Variants in D2HGDH observed in about 807,000 individuals in gnomAD.
D2HGDH encodes D-2-hydroxyglutarate dehydrogenase, mitochondrial.
A neutral mutation model predicts 46.9 loss-of-function variants in D2HGDH; 31 were observed. The observed-to-expected ratio is 0.66, with a 90% confidence interval of 0.50 to 0.89. The LOEUF (loss-of-function observed/expected upper bound fraction) is 0.89. Ranked by LOEUF, D2HGDH falls within the 40% of genes least tolerant of loss-of-function variation. The pLI, the probability that D2HGDH is intolerant of heterozygous loss-of-function variation, is 0.00. For synonymous variants in D2HGDH, 364 were observed against 332.6 expected (o/e 1.09, Z -1.03); for missense variants, 698 against 720.8 (o/e 0.97, Z 0.36).
rs535910973 is a variant in D2HGDH at position 241,743,068 on chromosome 2, C to T, written c.490+494C>T. Among the ~76,000 whole-genome samples, 11 of 132,732 alleles carry T rather than the reference C, an allele frequency of 8.3e-5. No homozygotes were observed. In the East Asian group the frequency reaches 2.3e-3, roughly 27 times the overall value. 87.1% of individuals were successfully genotyped at this position (132,732 alleles called of 152,430 possible). ...GGGATCCTGACCCAGGGCGCCAGGGCGTGGCAGGCGTGAGGGGATCCTGAC... is the reference window on the plus strand; with the variant it reads ...GGGATCCTGACCCAGGGCGCCAGGGTGTGGCAGGCGTGAGGGGATCCTGAC... On this transcript the variant is annotated intron_variant, in intron 4 of 9. Transcript: ENST00000321264. This position sits in a 1 kb window ranked among gnomAD's most constrained non-coding sequence, Gnocchi z 4.8.
In D2HGDH at chr2:241,755,879, GA is replaced by G; in HGVS notation, c.1172del (p.Glu391GlyfsTer3). The part of the protein sequence containing the change: ...MLWALRERIT[E>X]ALSRDGYVYK... The stretch of plus-strand genomic sequence containing the variant: ...GTGGGCCCTGAGGGAAAGGATCACA[GA>G]GGCGCTGAGCCGGGATGGCTACGTG... On this transcript the variant is annotated frameshift_variant, in exon 9 of 10. Coordinates refer to ENST00000321264, the MANE Select transcript of D2HGDH (RefSeq NM_152783.5). LOFTEE classifies it high-confidence loss of function. 1 of 1,613,180 alleles carries G rather than the reference GA, an allele frequency of 6.2e-7. No individual in the cohort carries two copies. Among genetic ancestry groups the G allele is most frequent in the Non-Finnish European group, 8.5e-7 (1 of 1,179,604 alleles).
intron 2 of D2HGDH, among the ~76,000 whole-genome samples, chr2:241,740,797 T>A (rs1694241253): frequency 6.6e-6 from 1 of 152,052 alleles, no homozygotes; most frequent in Admixed American, 6.5e-5. Flanking sequence ...ATACAAAAAT[T>A]AGCCAGGTGT....
chr2:241,756,269 CAG>C (rs1356325142), intron 9 of D2HGDH, among the ~76,000 whole-genome samples: 1 of 152,254 alleles, frequency 6.6e-6, no homozygotes, highest in African/African-American at 2.4e-5. Flanking sequence ...CTCAGCTTGT[CAG>C]AACGTTCTGG....
chr2:241,754,927 AAATG>A, intron 8 of D2HGDH: 1 of 1,046,464 alleles, frequency 9.6e-7, no homozygotes, highest in Non-Finnish European at 1.2e-6. Context: ...GAATTTCCTG[AAATG>A]ATAGGGTCTC....
rs565397135 is a variant in D2HGDH, at chr2:241,767,833, G to C, written c.1430G>C (p.Gly477Ala). 5.0e-6 allele frequency: 8 copies of C among 1,612,472 alleles called. No individual in the cohort carries two copies. The African/African-American group carries it at 1.1e-4, about 21-fold the overall frequency. The change falls in exon 10 of 10, where the codon GGA (glycine) becomes GCA (alanine). Residue 477 changes from glycine to alanine, a missense_variant. Gly to Ala is a moderately conservative substitution (Grantham distance 60). Transcript: ENST00000321264. Reference sequence around the variant, plus strand: ...CAGGGCAGCGTCAGCGCGGAGCACGGAGTGGGCTTCAGGAAGAGGGACGTC... The same window carrying C: ...CAGGGCAGCGTCAGCGCGGAGCACGCAGTGGGCTTCAGGAAGAGGGACGTC... ...GQQGSVSAEH[G>A]VGFRKRDVLG... is the part of the protein sequence containing the mutation.
intron 2 of D2HGDH, among the ~76,000 whole-genome samples, chr2:241,737,994 G>C (rs1021734503): frequency 6.6e-6 from 1 of 152,188 alleles, no homozygotes; most frequent in Non-Finnish European, 1.5e-5. Context: ...TAATCTGGGA[G>C]TGCAGCGTAT....
In D2HGDH at chr2:241,734,689, A is replaced by AGCTCGGGACGTGG. The variant is rs1692202659; in HGVS notation, c.-99_-98insGCTCGGGACGTGG. ...GCTGCGGGTTGGAGCTCGGGACGTG[A>AGCTCGGGACGTGG]TCGTGGGTGCGTGCGCGCGGCCGCG... is the stretch of plus-strand genomic sequence containing the variant. On this transcript the variant is annotated 5_prime_UTR_variant, in exon 1 of 10. Transcript: ENST00000321264. The AGCTCGGGACGTGG allele has an allele frequency of 2.0e-5, 3 of 151,354 alleles. No individual in the cohort carries two copies. Among genetic ancestry groups the AGCTCGGGACGTGG allele is most frequent in the African/African-American group, 7.3e-5 (3 of 41,294 alleles). 9.4% of individuals were successfully genotyped at this position (151,354 alleles called of 1,614,324 possible).
chr2:241,762,347 G>A (rs1021080525), intron 9 of D2HGDH, among the ~76,000 whole-genome samples: 2 of 152,220 alleles, frequency 1.3e-5, no homozygotes, highest in African/African-American at 4.8e-5. Flanking sequence ...TGAGATTGCA[G>A]GTGTGAGCCA....
At chr2:241,756,128 C>A in intron 9 of D2HGDH, 114 bp downstream of exon 9, 1 of 1,406,520 alleles carries the variant, frequency 7.1e-7, no homozygotes, top group Non-Finnish European at 9.4e-7. Flanking sequence ...TCTGGCTTAG[C>A]ATATCTCCCG....
rs1408652382 is a variant in D2HGDH, at chr2:241,743,943, G to A, written c.684+128G>A. The stretch of plus-strand genomic sequence containing the variant: ...GGGAGGTCTTGGTTCCTGGCCCTGG[G>A]CCCCTCAAGGATGTGTGGGCTACAT... On this transcript the variant is annotated intron_variant, in intron 5 of 9. Coordinates refer to ENST00000321264, the MANE Select transcript of D2HGDH (RefSeq NM_152783.5). The surrounding 1 kb of genome is among the most constrained non-coding windows in gnomAD (Gnocchi z 4.8). 2.8e-6 allele frequency: 3 copies of A among 1,064,592 alleles called. No homozygotes were observed. Among genetic ancestry groups the A allele is most frequent in the South Asian group, 3.0e-5 (2 of 65,910 alleles). The allele number at this position is 1,064,592 out of a possible 1,614,324, so 65.9% of individuals were successfully genotyped here.
chr2:241,758,919 G>A (rs79444355), intron 9 of D2HGDH, among the ~76,000 whole-genome samples: 13 of 152,198 alleles, frequency 8.5e-5, no homozygotes, highest in East Asian at 7.7e-4. Context: ...GATTACAGGC[G>A]TGAGGTACTG....
At chr2:241,764,786 G>T (rs190662528) in intron 9 of D2HGDH, among the ~76,000 whole-genome samples, 9 of 152,350 alleles carry the variant, frequency 5.9e-5, no homozygotes, top group Admixed American at 2.6e-4. Context: ...TGCGTTAAAA[G>T]CCGCTGTCCT....
At chr2:241,745,040 A>AG (rs1490055386) in intron 6 of D2HGDH, among the ~76,000 whole-genome samples, 163 bp downstream of exon 6, 2 of 152,068 alleles carry the variant, frequency 1.3e-5, no homozygotes, top group African/African-American at 2.4e-5. Flanking sequence ...TCAGGAATCC[A>AG]GGACCTGGCC....
In D2HGDH at chr2:241,767,762, C is replaced by G. The variant is rs1171553975; in HGVS notation, c.1359C>G (p.Leu453=). ...NVTAEAFSPS[L]LAALEPHVYE... is the part of the protein sequence containing the mutation. Reference sequence around the variant, plus strand: ...CGGCGGAGGCCTTCAGCCCCTCGCTCCTGGCTGCCCTGGAGCCCCACGTGT... The same window carrying G: ...CGGCGGAGGCCTTCAGCCCCTCGCTGCTGGCTGCCCTGGAGCCCCACGTGT... The change falls in exon 10 of 10, where the codon CTC becomes CTG. Residue 453 remains leucine (L), a synonymous_variant. Coordinates refer to ENST00000321264, the MANE Select transcript of D2HGDH (RefSeq NM_152783.5). The G allele has an allele frequency of 1.2e-6, 2 of 1,612,494 alleles. No individual in the cohort carries two copies. The highest frequency in any genetic ancestry group is 2.7e-5 in the African/African-American group (2 of 74,852).
At chr2:241,762,980 T>G (rs764311550) in intron 9 of D2HGDH, among the ~76,000 whole-genome samples, 11 of 152,180 alleles carry the variant, frequency 7.2e-5, no homozygotes, top group Non-Finnish European at 1.5e-4. Context: ...TTCGTTAGAT[T>G]TTTATCTGTA....
rs752676608 is a variant in D2HGDH at position 241,751,329 on chromosome 2, G to A, written c.1081G>A (p.Ala361Thr). Residue 361 changes from alanine to threonine, a missense_variant, in exon 8 of 10, where the codon GCG becomes ACG. By Grantham distance (58) the Ala-to-Thr change is moderately conservative. Coordinates refer to ENST00000321264, the MANE Select transcript of D2HGDH (RefSeq NM_152783.5). ...AEKLGHFLEH[A>T]LGSGLVTDGT... ...GAAGCTGGGCCACTTCCTGGAGCAC[G>A]CGCTGGGCTCCGGCCTGGTGACCGA... 8.0e-5 allele frequency: 129 copies of A among 1,613,680 alleles called. No homozygotes were observed. The highest frequency in any genetic ancestry group is 6.6e-5 in the South Asian group (6 of 91,080).
chr2:241,764,725 G>A (rs1699125930), intron 9 of D2HGDH, among the ~76,000 whole-genome samples: 2 of 152,228 alleles, frequency 1.3e-5, no homozygotes, highest in African/African-American at 2.4e-5. Context: ...GGCACAGTTT[G>A]GGGTGGTGCG....
At chr2:241,755,244 C>T in intron 8 of D2HGDH, 1 of 1,071,636 alleles carries the variant, frequency 9.3e-7, no homozygotes, top group African/African-American at 1.6e-5. Context: ...TCCCCCGTGG[C>T]CCACCCACCA....
At chr2:241,755,209 A>G (rs1204630402) in intron 8 of D2HGDH, 2 of 1,211,002 alleles carry the variant, frequency 1.7e-6, no homozygotes, top group African/African-American at 4.0e-5. Context: ...CTCCTCCTCC[A>G]CGGCCCGCCC....
Sources: allele counts gnomAD v4.1 joint callset (sites outside exome capture counted in the v4.1 genomes callset), GRCh38; gene constraint gnomAD v4.1.1; non-coding constraint Gnocchi (gnomAD v3.1); transcripts MANE v1.5; gene names NCBI Gene and HGNC (gene_info 2026-07-23, HGNC 2026-07-21).